ZNF69: variants seen among roughly 807,000 people sequenced by gnomAD.
ZNF69 encodes the protein zinc finger protein 69, also known as ZNF3.
ZNF69 carries 47 observed loss-of-function variants against 50.9 expected under a neutral mutation model. That is an observed-to-expected ratio of 0.92 (90% confidence interval 0.73 to 1.18). ZNF69 has a LOEUF of 1.18. ZNF69 is among the 50% of genes most tolerant of loss of function. The pLI, the probability that ZNF69 is intolerant of heterozygous loss-of-function variation, is 0.00. For missense variants in ZNF69, 717 were observed against 675.1 expected (o/e 1.06, Z -0.69); for synonymous variants, 216 against 223.1 (o/e 0.97, Z 0.29).
chr19:11,929,444 T>A, the ZNF69 span, among the ~76,000 whole-genome samples: 3 of 148,498 alleles, frequency 2.0e-5, no homozygotes, highest in Non-Finnish European at 4.4e-5. Context: ...ATTACGGGTG[T>A]GAACCACTGC....
At chr19:11,930,812 C>T in the ZNF69 span, among the ~76,000 whole-genome samples, 1 of 148,042 alleles carries the variant, frequency 6.8e-6, no homozygotes, top group South Asian at 2.1e-4. Context: ...ACCAGCCTGA[C>T]CAATATGGTG....
the ZNF69 span, among the ~76,000 whole-genome samples, chr19:11,956,869 C>G: frequency 6.6e-6 from 1 of 151,974 alleles, no homozygotes; most frequent in Admixed American, 6.6e-5. Flanking sequence ...AAATAAAGCT[C>G]ACCTGGTTCT....
intron 4 of ZNF69, chr19:11,913,297 C>T: frequency 3.8e-6 from 2 of 525,082 alleles, no homozygotes; most frequent in Non-Finnish European, 3.4e-6. Flanking sequence ...TCAGTATAAC[C>T]ATGTGGATAA....
chr19:11,918,368 C>G (rs1344487473), downstream of ZNF69, among the ~76,000 whole-genome samples: 1 of 152,136 alleles, frequency 6.6e-6, no homozygotes, highest in Non-Finnish European at 1.5e-5. Flanking sequence ...TTATTTATTG[C>G]TTTTTATTTG....
chr19:11,891,287 T>A (rs1356654882), intron 1 of ZNF69, among the ~76,000 whole-genome samples: 1 of 148,276 alleles, frequency 6.7e-6, no homozygotes, highest in Non-Finnish European at 1.5e-5. Context: ...ATTAGCCGGG[T>A]GTGGTGGCTT....
rs751832582 is a variant in ZNF69 at position 11,905,278 on chromosome 19, A to T, written c.881A>T (p.His294Leu). Reference sequence around the variant, plus strand: ...CATAGTCCCAGATGCTATCGTAGACATGAAAGGATTCACACGGGAGAGAAG... The same window carrying T: ...CATAGTCCCAGATGCTATCGTAGACTTGAAAGGATTCACACGGGAGAGAAG... ...AFHSPRCYRRHERIHTGEKAY... is the reference protein window; with the variant it reads ...AFHSPRCYRRLERIHTGEKAY... The change falls in exon 4 of 4, where the codon CAT (histidine) becomes CTT (leucine). Residue 294 changes from histidine to leucine, a missense_variant. Physicochemically the swap from His to Leu is moderately conservative, Grantham distance 99 (BLOSUM62 -3). Transcript: ENST00000429654. The T allele has an allele frequency of 1.1e-5, 18 of 1,614,198 alleles. No individual in the cohort carries two copies. Among genetic ancestry groups the T allele is most frequent in the Non-Finnish European group, 1.5e-5 (18 of 1,180,040 alleles).
chr19:11,964,863 G>T, the ZNF69 span, among the ~76,000 whole-genome samples: 2 of 152,214 alleles, frequency 1.3e-5, no homozygotes, highest in Non-Finnish European at 1.5e-5. Flanking sequence ...GAAGCACCTC[G>T]CCCTTAGAGA....
the ZNF69 span, among the ~76,000 whole-genome samples, chr19:11,976,668 A>G: frequency 6.6e-6 from 1 of 151,974 alleles, no homozygotes; most frequent in Non-Finnish European, 1.5e-5. Flanking sequence ...GGAGGTCAAG[A>G]CCAGCCTGAC....
At chr19:11,932,013 G>A in the ZNF69 span, among the ~76,000 whole-genome samples, 1 of 147,660 alleles carries the variant, frequency 6.8e-6, no homozygotes, top group Non-Finnish European at 1.5e-5. Context: ...TACTCAGGAG[G>A]CTGAGGCAGG....
At chr19:11,972,042 A>T in the ZNF69 span, among the ~76,000 whole-genome samples, 1 of 152,056 alleles carries the variant, frequency 6.6e-6, no homozygotes, top group Admixed American at 6.6e-5. Context: ...AGCCCAGGCA[A>T]CAAGAGCAAA....
At chr19:11,960,293 C>T in the ZNF69 span, among the ~76,000 whole-genome samples, 1 of 152,192 alleles carries the variant, frequency 6.6e-6, no homozygotes, top group South Asian at 2.1e-4. Context: ...GCTGGGATTA[C>T]AGGCGTGCGC....
At chr19:11,893,486 C>A (rs958982310) in intron 1 of ZNF69, among the ~76,000 whole-genome samples, 1 of 152,164 alleles carries the variant, frequency 6.6e-6, no homozygotes, top group Non-Finnish European at 1.5e-5. Context: ...AGTGAATAAC[C>A]ACTAGACATT....
At chr19:11,894,177 CT>C (rs941214526) in intron 1 of ZNF69, among the ~76,000 whole-genome samples, 23 of 150,186 alleles carry the variant, frequency 1.5e-4, no homozygotes, top group African/African-American at 2.9e-4. Context: ...AAACAGAGAT[CT>C]TTTTTTTTTG....
the ZNF69 span, chr19:11,949,679 G>A: frequency 3.5e-5 from 57 of 1,612,338 alleles, no homozygotes; most frequent in East Asian, 1.3e-4. Context: ...AATTCCCTTC[G>A]ATATCATGAA....
chr19:11,924,552 T>C, the ZNF69 span, among the ~76,000 whole-genome samples: 1 of 152,174 alleles, frequency 6.6e-6, no homozygotes. Context: ...GACAGTTTAC[T>C]TAGGTCAGAA....
the ZNF69 span, among the ~76,000 whole-genome samples, chr19:11,971,318 C>T: frequency 6.6e-6 from 1 of 152,140 alleles, no homozygotes; most frequent in African/African-American, 2.4e-5. Flanking sequence ...GAGCACTAAT[C>T]TCATTCGGAA....
chr19:11,914,919 C>T (rs1020221612), downstream of ZNF69, among the ~76,000 whole-genome samples: 5 of 152,070 alleles, frequency 3.3e-5, no homozygotes, highest in African/African-American at 1.2e-4. Context: ...GGCAGTGAAA[C>T]CTGGCCAGGC....
At chr19:11,914,003 A>C (rs1457996878) in exon 5 of ZNF69, 1 of 152,146 alleles carries the variant, frequency 6.6e-6, no homozygotes, top group Non-Finnish European at 1.5e-5. Context: ...ATCGTCTCAT[A>C]TGCCTGGTAT....
chr19:11,906,532 G>T lies in ZNF69; in HGVS notation c.*434G>T, dbSNP rs1027275719. Among the ~76,000 whole-genome samples the T allele has an allele frequency of 6.6e-6, 1 of 152,224 alleles. No individual in the cohort carries two copies. The highest frequency in any genetic ancestry group is 1.5e-5 in the Non-Finnish European group (1 of 68,040). ...GCCGTTCTGCAATATTTGCTGTTCT[G>T]CAGCCCCTGCTGGTGATACCCAGGC... On this transcript the variant is annotated 3_prime_UTR_variant, in exon 4 of 4. Transcript: ENST00000429654.
Sources: gnomAD v4.1 joint callset for allele counts (sites outside exome capture counted in the v4.1 genomes callset) on GRCh38, gnomAD v4.1.1 for gene constraint, MANE v1.5 for transcripts, NCBI Gene and HGNC (gene_info 2026-07-23, HGNC 2026-07-21) for gene names.